CMKLR2: variants seen among roughly 807,000 people sequenced by gnomAD.
The protein encoded by CMKLR2 is chemerin chemokine-like receptor 2.
A neutral mutation model predicts 23.0 loss-of-function variants in CMKLR2; 18 were observed. The ratio of observed to expected loss-of-function variants is 0.78; its 90% CI spans 0.54 to 1.16. CMKLR2 has a LOEUF of 1.16. CMKLR2 is among the 50% of genes most tolerant of loss of function. CMKLR2 has a pLI of 0.00. For missense variants in CMKLR2, 401 were observed against 412.7 expected, an observed-to-expected ratio of 0.97 and a Z score of 0.25; for synonymous variants, 158 against 158.9, an observed-to-expected ratio of 0.99 and a Z score of 0.05.
upstream of CMKLR2, among the ~76,000 whole-genome samples, chr2:206,213,900 C>T (rs760020065): frequency 3.0e-4 from 45 of 152,126 alleles, no homozygotes; most frequent in Non-Finnish European, 6.0e-4. Context: ...GTCGCCCAGG[C>T]TGGAGTGCAA....
intron 1 of CMKLR2, among the ~76,000 whole-genome samples, chr2:206,180,756 A>ATTATTATTATTATTT (rs1337019816): frequency 2.9e-4 from 42 of 145,832 alleles, no homozygotes; most frequent in Middle Eastern, 3.6e-3. Flanking sequence ...TATTATTATT[A>ATTATTATTATTATTT]TTATTATTAT....
Position 206,176,450 on chromosome 2 carries a change from G to T in CMKLR2, c.798C>A (p.Ser266Arg). 6.2e-7 allele frequency: 1 copy of T among 1,614,168 alleles called. No individual in the cohort carries two copies. The highest frequency in any genetic ancestry group is 1.1e-5 in the South Asian group (1 of 91,082). Residue 266 changes from serine to arginine, a missense_variant, in exon 2 of 2, where the codon AGC (serine) becomes AGA (arginine). Physicochemically the swap from Ser to Arg is moderately radical, Grantham distance 110 (BLOSUM62 -1). Transcript: ENST00000621141. ...VVCWTPYHLF[S>R]IWELTIHHNS... ...TGTGGTGAATGGTGAGCTCCCAAAT[G>T]CTAAACAGGTGATAAGGAGTCCAGC...
At chr2:206,203,111 T>C (rs1574324414) in intron 1 of CMKLR2, among the ~76,000 whole-genome samples, 1 of 144,530 alleles carries the variant, frequency 6.9e-6, no homozygotes, top group African/African-American at 2.6e-5. Flanking sequence ...AGGTCAGGAG[T>C]TCAAGACCAG....
upstream of CMKLR2, among the ~76,000 whole-genome samples, chr2:206,214,896 A>G (rs113080339): frequency 4.6e-5 from 7 of 152,194 alleles, no homozygotes; most frequent in African/African-American, 1.7e-4. Context: ...AAGTGCTGGG[A>G]TTACAGGTGT....
intron 1 of CMKLR2, among the ~76,000 whole-genome samples, chr2:206,197,523 A>T (rs1345990056): frequency 6.6e-6 from 1 of 152,078 alleles, no homozygotes; most frequent in African/African-American, 2.4e-5. Context: ...AAGCCCTCCA[A>T]CTAAACCCCT....
At chr2:206,201,917 T>C (rs1348846152) in intron 1 of CMKLR2, among the ~76,000 whole-genome samples, 3 of 152,176 alleles carry the variant, frequency 2.0e-5, no homozygotes, top group Admixed American at 2.0e-4. Context: ...GGTAACAATT[T>C]TTTCAAATGC....
At chr2:206,204,353 C>CGA (rs1689231166) in intron 1 of CMKLR2, among the ~76,000 whole-genome samples, 1 of 44,212 alleles carries the variant, frequency 2.3e-5, no homozygotes, top group African/African-American at 8.7e-5. Context: ...GACTCCATCT[C>CGA]AAAAAAAAAA....
chr2:206,212,755 C>A (rs1689615405), intron 1 of CMKLR2, among the ~76,000 whole-genome samples: 1 of 152,168 alleles, frequency 6.6e-6, no homozygotes, highest in African/African-American at 2.4e-5. Flanking sequence ...AATGGGAAGG[C>A]CCAACAAACC....
chr2:206,183,358 C>T (rs1688475945), intron 1 of CMKLR2, among the ~76,000 whole-genome samples: 1 of 152,088 alleles, frequency 6.6e-6, no homozygotes, highest in Non-Finnish European at 1.5e-5. Flanking sequence ...CATTATTGAC[C>T]CTGCTGGGAC....
At chr2:206,206,660 T>C (rs1359997375) in intron 1 of CMKLR2, among the ~76,000 whole-genome samples, 1 of 152,208 alleles carries the variant, frequency 6.6e-6, no homozygotes, top group Non-Finnish European at 1.5e-5. Context: ...ATTTCAAGAA[T>C]GTCTGTCTCC....
At chr2:206,185,082 G>C (rs745657338) in intron 1 of CMKLR2, among the ~76,000 whole-genome samples, 3 of 152,030 alleles carry the variant, frequency 2.0e-5, no homozygotes, top group Non-Finnish European at 4.4e-5. Context: ...TCACATCCTG[G>C]GTTCCAGCGA....
intron 1 of CMKLR2, among the ~76,000 whole-genome samples, chr2:206,189,678 T>C (rs192189799): frequency 1.9e-4 from 29 of 151,384 alleles, no homozygotes; most frequent in Admixed American, 1.6e-3. Flanking sequence ...ATAGAAAGAA[T>C]TGATGGACAC....
At chr2:206,214,100 C>A (rs574225491), upstream of CMKLR2, among the ~76,000 whole-genome samples, 2 of 151,528 alleles carry the variant, frequency 1.3e-5, no homozygotes, top group African/African-American at 2.4e-5. Context: ...GTGATCCACC[C>A]GCCTCAGTCT....
chr2:206,192,842 C>A (rs946135186), intron 1 of CMKLR2, among the ~76,000 whole-genome samples: 3 of 152,164 alleles, frequency 2.0e-5, no homozygotes, highest in Non-Finnish European at 4.4e-5. Context: ...ATACCAAAAT[C>A]CAAGGATGCT....
rs187050098 is a variant in CMKLR2 at position 206,175,971 on chromosome 2, A to T, written c.*209T>A. 6.9e-4 allele frequency: 279 copies of T among 402,618 alleles called. No individual in the cohort carries two copies. The highest frequency in any genetic ancestry group is 5.5e-3 in the East Asian group (151 of 27,648). 24.9% of individuals were successfully genotyped at this position (402,618 alleles called of 1,614,324 possible). A position where few individuals can be genotyped will look rare whatever the true frequency, so the allele number is the denominator to read the frequency against. On this transcript the variant is annotated 3_prime_UTR_variant, in exon 2 of 2. Coordinates refer to ENST00000621141, the MANE Select transcript of CMKLR2 (RefSeq NM_001389445.1). ...CCTTCCTAAGTATTTTCAGTTTTTT[A>T]AAAAAAATTTATTGCCACATCACAA...
intron 1 of CMKLR2, among the ~76,000 whole-genome samples, 197 bp downstream of exon 1, chr2:206,213,110 G>A (rs557667005): frequency 3.3e-5 from 5 of 152,194 alleles, no homozygotes; most frequent in Admixed American, 2.0e-4. Context: ...CTGTAGGATC[G>A]TCCCTAAACA....
chr2:206,179,055 CTTTTTTTTTTTTTTTTTTTTTTTT>C (rs71034421), intron 1 of CMKLR2, among the ~76,000 whole-genome samples: 7 of 49,318 alleles, frequency 1.4e-4, no homozygotes, highest in African/African-American at 6.5e-4. Context: ...CTCCCTGTCC[CTTTTTTTTTTTTTTTTTTTTTTTT>C]TTTTTTTTTT....
At position 206,176,319 on chromosome 2, in the gene CMKLR2, T is replaced by C. The variant is rs763717829; in HGVS notation, c.929A>G (p.Lys310Arg). 6.2e-7 allele frequency: 1 copy of C among 1,614,164 alleles called. No individual in the cohort carries two copies. The highest frequency in any genetic ancestry group is 2.2e-5 in the East Asian group (1 of 44,872). Residue 310 changes from lysine (K) to arginine (R), a missense_variant, in exon 2 of 2, where the codon AAG becomes AGG. Lys to Arg is a conservative substitution (Grantham distance 26, BLOSUM62 2). Transcript: ENST00000621141. Reference protein sequence around the residue: ...NPILYVLISKKFQARFRSSVA... With the variant: ...NPILYVLISKRFQARFRSSVA... Reference sequence around the variant, plus strand: ...TGAGGACCGGAAGCGAGCTTGGAACTTCTTACTAATTAGGACATAAAGGAT... The same window carrying C: ...TGAGGACCGGAAGCGAGCTTGGAACCTCTTACTAATTAGGACATAAAGGAT...
intron 1 of CMKLR2, among the ~76,000 whole-genome samples, chr2:206,183,397 G>C (rs1688477301): frequency 6.6e-6 from 1 of 152,148 alleles, no homozygotes; most frequent in African/African-American, 2.4e-5. Context: ...CCTGTTGAAG[G>C]CAACCGTCTT....
Sources: gnomAD v4.1 joint callset for allele counts (sites outside exome capture counted in the v4.1 genomes callset) on GRCh38, gnomAD v4.1.1 for gene constraint, MANE v1.5 for transcripts, NCBI Gene and HGNC (gene_info 2026-07-23, HGNC 2026-07-21) for gene names.